SEMA6D: variants seen among roughly 807,000 people sequenced by gnomAD.
SEMA6D encodes the protein semaphorin-6D.
Under a neutral mutation model 106.6 loss-of-function variants are expected in SEMA6D, and 35 were observed. The ratio of observed to expected loss-of-function variants is 0.33; its 90% confidence interval spans 0.25 to 0.44. The LOEUF is 0.44. SEMA6D is among the 20% of genes least tolerant of loss of function. The pLI, the probability that SEMA6D is intolerant of heterozygous loss-of-function variation, is 1.00. For missense variants in SEMA6D, 1,185 were observed against 1,345.9 expected (o/e 0.88, Z 1.87); for synonymous variants, 499 against 487.7 (o/e 1.02, Z -0.31).
At chr15:47,465,701 T>C (rs959373750) in intron 2 of SEMA6D, among the ~76,000 whole-genome samples, 3 of 152,160 alleles carry the variant, frequency 2.0e-5, no homozygotes, top group Non-Finnish European at 4.4e-5. Context: ...CCATGTAAGA[T>C]GTGCCTCCTT....
At chr15:47,701,280 CCAAATATTTCATCTGTATGTGAAAT>C (rs1193781735) in intron 4 of SEMA6D, among the ~76,000 whole-genome samples, 7 of 151,976 alleles carry the variant, frequency 4.6e-5, no homozygotes, top group Admixed American at 1.3e-4. Context: ...AAAAAATAGG[CCAAATATTTCATCTGTATGTGAAAT>C]CTAAAAATGT....
chr15:47,409,350 A>G (rs2040704866), intron 1 of SEMA6D, among the ~76,000 whole-genome samples: 1 of 152,204 alleles, frequency 6.6e-6, no homozygotes, highest in African/African-American at 2.4e-5. Flanking sequence ...ATGAGAAAGT[A>G]TGAGCTGGAA....
intron 4 of SEMA6D, among the ~76,000 whole-genome samples, chr15:47,637,718 A>G (rs961536941): frequency 2.6e-5 from 4 of 152,220 alleles, no homozygotes; most frequent in Non-Finnish European, 1.5e-5. Flanking sequence ...GTGGCCCAAT[A>G]CAAGTACAAG....
At chr15:47,576,734 G>A (rs751572436) in intron 3 of SEMA6D, among the ~76,000 whole-genome samples, 5 of 152,104 alleles carry the variant, frequency 3.3e-5, no homozygotes, top group Non-Finnish European at 7.4e-5. Context: ...ATCCTTCCAG[G>A]CCAGGTTTTC....
chr15:47,771,548 G>A lies in SEMA6D; in HGVS notation c.2985G>A (p.Met995Ile), dbSNP rs1412867327. ...TTTTGTTATCCAGACAGCCTAGTAT[G>A]AACCGTGGAGGATATATGCCCACCC... ...NGVLLSRQPS[M>I]NRGGYMPTPT... The change falls in exon 19 of 19, where the codon ATG becomes ATA. Residue 995 changes from methionine (M) to isoleucine (I), a missense_variant. Around this residue, in one of 3 missense-constraint regions of SEMA6D, gnomAD observed 750 missense variants for 783.5 expected, o/e 0.96. Coordinates refer to ENST00000536845, the MANE Select transcript of SEMA6D (RefSeq NM_001358351.3). 1.2e-6 allele frequency: 2 copies of A among 1,614,086 alleles called. No homozygotes were observed. Among genetic ancestry groups the A allele is most frequent in the Non-Finnish European group, 1.7e-6 (2 of 1,179,982 alleles).
At chr15:47,426,384 C>CAG (rs2041339599) in intron 2 of SEMA6D, among the ~76,000 whole-genome samples, 1 of 152,096 alleles carries the variant, frequency 6.6e-6, no homozygotes, top group African/African-American at 2.4e-5. Context: ...CAAGAACCTG[C>CAG]AGAGCTTCTG....
At chr15:47,647,636 C>G (rs1012229796) in intron 4 of SEMA6D, among the ~76,000 whole-genome samples, 1 of 151,320 alleles carries the variant, frequency 6.6e-6, no homozygotes, top group African/African-American at 2.4e-5. Context: ...ACTAAATTCG[C>G]ATATTTTGAC....
intron 1 of SEMA6D, among the ~76,000 whole-genome samples, chr15:47,391,057 T>C (rs2040013140): frequency 1.3e-5 from 2 of 152,216 alleles, no homozygotes; most frequent in Non-Finnish European, 2.9e-5. Flanking sequence ...TTCTTCATTT[T>C]ACTAGGGTCT....
chr15:47,298,939 C>T (rs537185099), intron 1 of SEMA6D, among the ~76,000 whole-genome samples: 1 of 152,282 alleles, frequency 6.6e-6, no homozygotes, highest in African/African-American at 2.4e-5. Context: ...TTCTTTAGGG[C>T]ATCCCTAAAG....
chr15:47,519,513 T>C (rs1167533536), intron 3 of SEMA6D, among the ~76,000 whole-genome samples: 1 of 152,206 alleles, frequency 6.6e-6, no homozygotes, highest in Admixed American at 6.5e-5. Flanking sequence ...CCAGGTTTTA[T>C]TCCGTAAACA....
chr15:47,749,947 G>A (rs1438626949), intron 1 of SEMA6D, among the ~76,000 whole-genome samples: 1 of 152,118 alleles, frequency 6.6e-6, no homozygotes, highest in Admixed American at 6.5e-5. Flanking sequence ...AGATCTGATG[G>A]AATGACCACT....
chr15:47,560,439 A>C (rs2046045507), intron 3 of SEMA6D, among the ~76,000 whole-genome samples: 1 of 152,086 alleles, frequency 6.6e-6, no homozygotes, highest in South Asian at 2.1e-4. Flanking sequence ...AAAAGAAAAT[A>C]ATAAAGGGCT....
At position 47,354,112 on chromosome 15, in the gene SEMA6D, A is replaced by G. The variant is rs143036128; in HGVS notation, c.-238-58281A>G. Among the ~76,000 whole-genome samples, 835 of 150,914 alleles carry G rather than the reference A, an allele frequency of 5.5e-3. 4 individuals are homozygous for G. Among genetic ancestry groups the G allele is most frequent in the East Asian group, 0.039 (200 of 5,124 alleles). On this transcript the variant is annotated intron_variant, in intron 1 of 19. Coordinates refer to the SEMA6D transcript ENST00000558014. Reference sequence around the variant, plus strand: ...AGAGTGTATATGTATACATATATATATGGAATGAGAGAGTGTGTATATATA... The same window carrying G: ...AGAGTGTATATGTATACATATATATGTGGAATGAGAGAGTGTGTATATATA...
intron 3 of SEMA6D, among the ~76,000 whole-genome samples, chr15:47,509,894 C>T (rs1219151126): frequency 2.6e-5 from 4 of 152,162 alleles, no homozygotes; most frequent in Non-Finnish European, 4.4e-5. Flanking sequence ...GATTCCAATG[C>T]GTGCCAACAT....
chr15:47,320,464 T>C (rs1240396032), intron 1 of SEMA6D, among the ~76,000 whole-genome samples: 2 of 152,240 alleles, frequency 1.3e-5, no homozygotes, highest in Non-Finnish European at 2.9e-5. Flanking sequence ...TCACTTTATA[T>C]GCAGTGATTC....
intron 1 of SEMA6D, among the ~76,000 whole-genome samples, chr15:47,742,746 C>A (rs2080893843): frequency 6.6e-6 from 1 of 152,192 alleles, no homozygotes; most frequent in Non-Finnish European, 1.5e-5. Flanking sequence ...CCCTCCAGTT[C>A]TTTCCCCCAG....
At chr15:47,728,368 T>G (rs935770584) in intron 1 of SEMA6D, among the ~76,000 whole-genome samples, 1 of 152,238 alleles carries the variant, frequency 6.6e-6, no homozygotes, top group African/African-American at 2.4e-5. Flanking sequence ...GGGGAATCAC[T>G]TTATTATAAT....
At chr15:47,747,003 T>TATATATATATA (rs1555422789) in intron 1 of SEMA6D, among the ~76,000 whole-genome samples, 3 of 149,310 alleles carry the variant, frequency 2.0e-5, no homozygotes, top group South Asian at 4.3e-4. Flanking sequence ...TATATATATA[T>TATATATATATA]TTCGATTGTA....
At chr15:47,599,035 C>T (rs16959731) in intron 3 of SEMA6D, among the ~76,000 whole-genome samples, 26,590 of 151,992 alleles carry the variant, frequency 0.17, 2,716 homozygotes, top group African/African-American at 0.26. Flanking sequence ...TAATCATACT[C>T]GCTGGAAAAG....
Sources: gnomAD v4.1 joint callset for allele counts (sites outside exome capture counted in the v4.1 genomes callset) on GRCh38, gnomAD v4.1.1 for gene constraint, gnomAD v4.1.1 regional missense constraint, MANE v1.5 for transcripts, NCBI Gene and HGNC (gene_info 2026-07-23, HGNC 2026-07-21) for gene names.